The following DCTD variants were observed in gnomAD, a reference collection of about 807,000 sequenced individuals.
DCTD encodes the protein dCMP deaminase, also known as deoxycytidylate deaminase.
A neutral mutation model predicts 21.0 loss-of-function variants in DCTD; 23 were observed. The observed-to-expected ratio is 1.09, with a 90% CI of 0.79 to 1.55. The LOEUF is 1.55. Among genes scored for constraint, DCTD ranks in the 40% most tolerant of loss-of-function variants. The pLI is 0.00. For synonymous variants in DCTD, 71 were observed against 81.1 expected (o/e 0.88, Z 0.67); for missense variants, 224 against 230.0 (o/e 0.97, Z 0.17).
chr4:182,893,320 T>G (rs1734152359), intron 4 of DCTD, among the ~76,000 whole-genome samples, 193 bp from the exon 5 acceptor site: 1 of 152,178 alleles, frequency 6.6e-6, no homozygotes, highest in African/African-American at 2.4e-5. Context: ...CTATCTAATC[T>G]TCCCTCCAGT....
upstream of DCTD, chr4:182,917,495 G>C: frequency 6.2e-5 from 9 of 146,036 alleles, no homozygotes; most frequent in Non-Finnish European, 1.4e-4. This position sits in a 1 kb window ranked among gnomAD's most constrained non-coding sequence, Gnocchi z 4.9. Flanking sequence ...GGGAGGGAGG[G>C]ACGGCGGGGG....
At chr4:182,901,527 G>A (rs1265105070) in intron 3 of DCTD, among the ~76,000 whole-genome samples, 1 of 152,226 alleles carries the variant, frequency 6.6e-6, no homozygotes, top group African/African-American at 2.4e-5. Context: ...CAGGCATGGA[G>A]TGCCTGCTGC....
At chr4:182,916,784 C>G in intron 1 of DCTD, 1 of 1,126,498 alleles carries the variant, frequency 8.9e-7, no homozygotes, top group Non-Finnish European at 1.1e-6. Flanking sequence ...AGGGAAGGGT[C>G]CTGTTAATCC....
rs1218034121 is a variant in DCTD, at chr4:182,915,843, A to AT, written c.-7-269dup. The AT allele has an allele frequency of 2.8e-5, 33 of 1,179,630 alleles. No individual in the cohort carries two copies. In the South Asian group the frequency reaches 3.8e-4, roughly 13 times the overall value. 73.1% of individuals were successfully genotyped at this position (1,179,630 alleles called of 1,614,324 possible). ...CATCTATTTACTGCTTTCTCATAGGATTTTTTATGCCAGCCTACAAATTGT... is the reference window on the plus strand; with the variant it reads ...CATCTATTTACTGCTTTCTCATAGGATTTTTTTATGCCAGCCTACAAATTGT... On this transcript the variant is annotated intron_variant, in intron 1 of 5. Transcript: ENST00000438320.
At chr4:182,906,083 C>T (rs747196615) in intron 3 of DCTD, among the ~76,000 whole-genome samples, 14 of 152,212 alleles carry the variant, frequency 9.2e-5, no homozygotes, top group Non-Finnish European at 1.6e-4. Flanking sequence ...CGTCACCTCC[C>T]GGCTGGCGAG....
intron 1 of DCTD, chr4:182,915,848 T>C (rs771376350): frequency 2.5e-6 from 3 of 1,180,400 alleles, no homozygotes; most frequent in Non-Finnish European, 3.2e-6. Context: ...ATAGGATTTT[T>C]TATGCCAGCC....
chr4:182,906,778 G>A (rs919216548), intron 3 of DCTD, among the ~76,000 whole-genome samples: 8 of 152,172 alleles, frequency 5.3e-5, no homozygotes, highest in African/African-American at 1.9e-4. Flanking sequence ...TTCATGCTCA[G>A]TTATCATATT....
chr4:182,915,914 G>A (rs1579795897), intron 1 of DCTD: 1 of 1,079,940 alleles, frequency 9.3e-7, no homozygotes, highest in East Asian at 6.8e-5. Context: ...CAGCACAGGA[G>A]GAGGGTGGAA....
intron 1 of DCTD, among the ~76,000 whole-genome samples, chr4:182,916,117 T>C (rs1457698678): frequency 1.3e-5 from 2 of 152,144 alleles, no homozygotes; most frequent in African/African-American, 2.4e-5. Flanking sequence ...AGAAAACATC[T>C]GAAGCCTTCC....
At chr4:182,893,643 G>A (rs1734206955) in intron 4 of DCTD, among the ~76,000 whole-genome samples, 1 of 152,266 alleles carries the variant, frequency 6.6e-6, no homozygotes, top group East Asian at 1.9e-4. Context: ...GCCCCGCACT[G>A]AAGGCCGCTG....
chr4:182,892,976 C>T, intron 5 of DCTD, 55 bp downstream of exon 5: 1 of 1,063,660 alleles, frequency 9.4e-7, no homozygotes, highest in South Asian at 1.3e-5. Flanking sequence ...TCAAATACAT[C>T]TCTTCATCAG....
rs143819120 is a variant in DCTD, at chr4:182,897,759, C to T, written c.245-3154G>A. 5.7e-3 allele frequency among the ~76,000 whole-genome samples: 865 copies of T among 152,332 alleles called. 3 individuals carry two copies. The highest frequency in any genetic ancestry group is 0.014 in the Middle Eastern group (4 of 294). On this transcript the variant is annotated intron_variant, in intron 3 of 5. Coordinates refer to ENST00000438320, the MANE Select transcript of DCTD (RefSeq NM_001921.3). ...TCTTATGATCACAGGCTTGCCCGAC[C>T]CGCACCTGCGGGGCTGAGGAGAGAA...
At chr4:182,917,479 A>T (rs1402184271), upstream of DCTD, 4 of 97,410 alleles carry the variant, frequency 4.1e-5, no homozygotes, top group South Asian at 3.6e-4. This position sits in a 1 kb window ranked among gnomAD's most constrained non-coding sequence, Gnocchi z 4.9. Context: ...CGAAGCCCTG[A>T]GGGGAGGGAG....
At chr4:182,900,353 T>C (rs1735511598) in intron 3 of DCTD, among the ~76,000 whole-genome samples, 1 of 152,136 alleles carries the variant, frequency 6.6e-6, no homozygotes. Flanking sequence ...ATTTTTGGAT[T>C]TGGCATGCTC....
intron 5 of DCTD, among the ~76,000 whole-genome samples, 165 bp from the exon 6 acceptor site, chr4:182,891,642 A>G (rs923124118): frequency 3.5e-4 from 54 of 152,214 alleles, no homozygotes; most frequent in African/African-American, 1.2e-3. Context: ...CAAGAGAAAC[A>G]CAGAGCAGAA....
chr4:182,899,399 CTTTT>C (rs548073020), intron 3 of DCTD, among the ~76,000 whole-genome samples: 1 of 144,328 alleles, frequency 6.9e-6, no homozygotes, highest in South Asian at 2.2e-4. Flanking sequence ...CCTTTTTTTT[CTTTT>C]TCTTTTTTTT....
Position 182,897,801 on chromosome 4 carries a change from G to A in DCTD, c.245-3196C>T, listed in dbSNP as rs1377033044. On this transcript the variant is annotated intron_variant, in intron 3 of 5. Coordinates refer to ENST00000438320, the MANE Select transcript of DCTD (RefSeq NM_001921.3). ...AGGAGAGAAGCCCCAACCCAGAGGA[G>A]CACCTGAGGCCGCAACCCAGCCCTG... 2.0e-5 allele frequency among the ~76,000 whole-genome samples: 3 copies of A among 152,186 alleles called. 1 individual carries two copies. Among genetic ancestry groups the A allele is most frequent in the South Asian group, 4.1e-4 (2 of 4,832 alleles).
intron 3 of DCTD, among the ~76,000 whole-genome samples, chr4:182,905,262 C>A (rs550156276): frequency 4.8e-4 from 73 of 152,108 alleles, no homozygotes; most frequent in South Asian, 2.7e-3. Context: ...CGTTGCTGAA[C>A]CCCATGAACA....
chr4:182,915,105 C>G (rs553311011), intron 2 of DCTD, 47 bp from the exon 3 acceptor site: 1 of 1,613,372 alleles, frequency 6.2e-7, no homozygotes, highest in Non-Finnish European at 8.5e-7. Context: ...ACTGGCTGGT[C>G]TGCCGCTGTG....
Sources: gnomAD v4.1 joint callset for allele counts (sites outside exome capture counted in the v4.1 genomes callset) on GRCh38, gnomAD v4.1.1 for gene constraint, Gnocchi (gnomAD v3.1) non-coding constraint, MANE v1.5 for transcripts, NCBI Gene and HGNC (gene_info 2026-07-23, HGNC 2026-07-21) for gene names.